The following DEPDC5 variants were observed in gnomAD, a reference collection of about 807,000 sequenced individuals.
The protein encoded by DEPDC5 is DEP domain containing 5, GATOR1 subcomplex subunit, also known as GATOR1 complex protein DEPDC5.
DEPDC5 carries 73 observed loss-of-function variants against 217.3 expected under a neutral mutation model. The observed-to-expected ratio is 0.34, with a 90% CI of 0.28 to 0.41. DEPDC5 has a LOEUF of 0.41. Among genes scored for constraint, DEPDC5 ranks in the 10% least tolerant of loss-of-function variants. The pLI is 1.00. For missense variants in DEPDC5, 1,675 were observed against 2,070.1 expected (o/e 0.81, Z 3.70); for synonymous variants, 733 against 756.7 (o/e 0.97, Z 0.51).
At position 31,845,091 on chromosome 22, in the gene DEPDC5, A is replaced by G. The variant is rs757332983; in HGVS notation, c.2875A>G (p.Ile959Val). The G allele has an allele frequency of 3.1e-5, 50 of 1,614,070 alleles. No homozygotes were observed. The highest frequency in any genetic ancestry group is 7.7e-5 in the South Asian group (7 of 91,084). The change falls in exon 30 of 43, where the codon ATC becomes GTC. Residue 959 changes from isoleucine (I) to valine (V), a missense_variant. Ile to Val is a conservative substitution (Grantham distance 29). Transcript: ENST00000651528. ...LPACVTATKR[I>V]TEGEAHCDIY... is the part of the protein sequence containing the mutation. ...AGCCTGTGTCACCGCCACCAAGCGC[A>G]TCACGGAGGGGGAGGCCCACTGCGA...
rs184497165 is a variant in DEPDC5 at position 31,885,917 on chromosome 22, C to G, written c.4033+6165C>G. Among the ~76,000 whole-genome samples, 379 of 151,946 alleles carry G rather than the reference C, an allele frequency of 2.5e-3. 4 individuals are homozygous for G. Among genetic ancestry groups the G allele is most frequent in the African/African-American group, 8.5e-3 (350 of 41,414 alleles). ...GGTGTGGTGGCGGGCACATGTAACC[C>G]CAGCTACTCAGGAGGCTGAGGCAGG... On this transcript the variant is annotated intron_variant, in intron 38 of 42. Coordinates refer to ENST00000651528, the MANE Select transcript of DEPDC5 (RefSeq NM_001242896.3).
intron 39 of DEPDC5, among the ~76,000 whole-genome samples, chr22:31,895,571 C>T (rs1459018659): frequency 6.6e-6 from 1 of 152,114 alleles, no homozygotes; most frequent in African/African-American, 2.4e-5. Context: ...TACTGAATCT[C>T]GCTTCTCTCA....
intron 8 of DEPDC5, among the ~76,000 whole-genome samples, chr22:31,780,463 G>A (rs1405158567): frequency 2.6e-5 from 4 of 152,146 alleles, no homozygotes; most frequent in Middle Eastern, 3.2e-3. Context: ...TGGAGTTCTC[G>A]TAATCACTTC....
intron 21 of DEPDC5, chr22:31,817,641 A>G (rs1384157588): frequency 1.1e-5 from 2 of 178,810 alleles, no homozygotes; most frequent in Admixed American, 1.2e-4. Flanking sequence ...GGTGTGCACC[A>G]CCACACCCGG....
rs946816781 is a variant in DEPDC5, at chr22:31,892,644, A to G, written c.4034-938A>G. On this transcript the variant is annotated intron_variant, in intron 38 of 42. Coordinates refer to ENST00000651528, the MANE Select transcript of DEPDC5 (RefSeq NM_001242896.3). ...GGTTGCAGTGAGCCAAGATCACGCTACTGCACTCCAGCCCGGGTGACATAG... is the reference window on the plus strand; with the variant it reads ...GGTTGCAGTGAGCCAAGATCACGCTGCTGCACTCCAGCCCGGGTGACATAG... Among the ~76,000 whole-genome samples, 7 of 152,216 alleles carry G rather than the reference A, an allele frequency of 4.6e-5. No homozygotes were observed. The East Asian group carries it at 1.2e-3, about 25-fold the overall frequency.
At chr22:31,772,088 C>T (rs966875504) in intron 7 of DEPDC5, among the ~76,000 whole-genome samples, 4 of 151,678 alleles carry the variant, frequency 2.6e-5, no homozygotes, top group East Asian at 3.9e-4. Flanking sequence ...AAAAAAAGAA[C>T]GGGGGTTGGT....
Position 31,815,206 on chromosome 22 carries a change from A to G in DEPDC5, c.1660A>G (p.Thr554Ala). Residue 554 changes from threonine (T) to alanine (A), a missense_variant, in exon 21 of 43, where the codon ACT becomes GCT. Coordinates refer to ENST00000651528, the MANE Select transcript of DEPDC5 (RefSeq NM_001242896.3). ...EVSSSLGYTS[T>A]RDVLENMMEP... ...CAGCAGCTCCTTGGGATACACCAGC[A>G]CTCGAGGTAAGAGTGCTGAAGCACA... 6.2e-7 allele frequency: 1 copy of G among 1,614,022 alleles called. No homozygotes were observed. The highest frequency in any genetic ancestry group is 8.5e-7 in the Non-Finnish European group (1 of 1,179,996).
rs78610182 is a variant in DEPDC5 at position 31,828,773 on chromosome 22, T to C, written c.2105-5142T>C. Among the ~76,000 whole-genome samples, 300 of 152,328 alleles carry C rather than the reference T, an allele frequency of 2.0e-3. 2 individuals carry two copies. Among genetic ancestry groups the C allele is most frequent in the South Asian group, 7.7e-3 (37 of 4,832 alleles). On this transcript the variant is annotated intron_variant, in intron 24 of 42. Coordinates refer to ENST00000651528, the MANE Select transcript of DEPDC5 (RefSeq NM_001242896.3). The stretch of plus-strand genomic sequence containing the variant: ...GTGTATTGAACTCTAGGCACTGTGC[T>C]AAGGCCTGAGAAGAAACAAAAACTA...
At chr22:31,812,519 G>A (rs920168933) in intron 20 of DEPDC5, among the ~76,000 whole-genome samples, 1 of 145,532 alleles carries the variant, frequency 6.9e-6, no homozygotes, top group African/African-American at 2.5e-5. Flanking sequence ...CTGCCTCCCA[G>A]CTTCGCACCA....
chr22:31,808,897 A>G (rs1231516330), intron 18 of DEPDC5, among the ~76,000 whole-genome samples: 1 of 151,890 alleles, frequency 6.6e-6, no homozygotes, highest in Non-Finnish European at 1.5e-5. Context: ...AAGAGTTAGT[A>G]TTGTTGTGAA....
chr22:31,846,881 G>A lies in DEPDC5; in HGVS notation c.3069G>A (p.Thr1023=), dbSNP rs201368629. ...KGLQMTGPIS[T]HSLESTAPPV... is the part of the protein sequence containing the mutation. ...TGCAGATGACTGGGCCCATTTCCAC[G>A]CATTCTCTGGAGTCAACTGCACCCC... Residue 1023 remains threonine, a synonymous_variant, in exon 31 of 43, where the codon ACG becomes ACA. Coordinates refer to ENST00000651528, the MANE Select transcript of DEPDC5 (RefSeq NM_001242896.3). 62 of 1,614,202 alleles carry A rather than the reference G, an allele frequency of 3.8e-5. No homozygotes were observed. Among genetic ancestry groups the A allele is most frequent in the Admixed American group, 1.8e-4 (11 of 60,034 alleles).
intron 7 of DEPDC5, among the ~76,000 whole-genome samples, chr22:31,772,735 C>A (rs1282205113): frequency 6.6e-6 from 1 of 151,488 alleles, no homozygotes; most frequent in Non-Finnish European, 1.5e-5. Flanking sequence ...AGATCTCTCT[C>A]ATTTTTTTTT....
intron 40 of DEPDC5, among the ~76,000 whole-genome samples, chr22:31,901,135 C>G (rs933427497): frequency 4.0e-5 from 6 of 151,312 alleles, no homozygotes; most frequent in African/African-American, 1.5e-4. Flanking sequence ...CCCAGCTACT[C>G]GGGAGGCTGA....
intron 33 of DEPDC5, among the ~76,000 whole-genome samples, chr22:31,868,982 G>A (rs997389590): frequency 8.6e-5 from 13 of 151,980 alleles, no homozygotes; most frequent in African/African-American, 3.1e-4. Flanking sequence ...AACATTACAG[G>A]CTGTAATCCC....
chr22:31,763,151 T>C (rs6518755), intron 4 of DEPDC5, among the ~76,000 whole-genome samples: 126,527 of 151,998 alleles, frequency 0.83, 53,265 homozygotes, highest in African/African-American at 0.96. Flanking sequence ...CCACCACACC[T>C]GGCTAATTTT....
At chr22:31,866,425 C>T (rs1056296857) in intron 33 of DEPDC5, among the ~76,000 whole-genome samples, 2 of 152,082 alleles carry the variant, frequency 1.3e-5, no homozygotes, top group Non-Finnish European at 2.9e-5. Flanking sequence ...CTCGCTCTGT[C>T]GCCAGGCTGG....
chr22:31,768,710 T>C (rs2083043097), intron 6 of DEPDC5, 104 bp from the exon 7 acceptor site: 1 of 986,784 alleles, frequency 1.0e-6, no homozygotes, highest in Non-Finnish European at 1.5e-6. Context: ...TAGGAGTTCT[T>C]GTTTGTGATT....
At position 31,879,600 on chromosome 22, in the gene DEPDC5, T is replaced by C; in HGVS notation, c.3881T>C (p.Phe1294Ser). The C allele has an allele frequency of 6.2e-7, 1 of 1,613,920 alleles. No individual in the cohort carries two copies. Among genetic ancestry groups the C allele is most frequent in the South Asian group, 1.1e-5 (1 of 91,080 alleles). ...TTCGCCAGCTTCCAGCGCAAGTGGTTTGAGGTGGCCTTTGTGGCAGAAGAG... is the reference window on the plus strand; with the variant it reads ...TTCGCCAGCTTCCAGCGCAAGTGGTCTGAGGTGGCCTTTGTGGCAGAAGAG... Reference protein sequence around the residue: ...DDFASFQRKWFEVAFVAEELV... With the variant: ...DDFASFQRKWSEVAFVAEELV... The change falls in exon 38 of 43, where the codon TTT (phenylalanine) becomes TCT (serine). Residue 1294 changes from phenylalanine (F) to serine (S), a missense_variant. Coordinates refer to ENST00000651528, the MANE Select transcript of DEPDC5 (RefSeq NM_001242896.3).
intron 33 of DEPDC5, among the ~76,000 whole-genome samples, chr22:31,864,907 T>C (rs1032782918): frequency 6.6e-6 from 1 of 152,078 alleles, no homozygotes; most frequent in Non-Finnish European, 1.5e-5. Context: ...GCCAGGCTGG[T>C]CTCCAACTCC....
Sources: allele counts gnomAD v4.1 joint callset (sites outside exome capture counted in the v4.1 genomes callset), GRCh38; gene constraint gnomAD v4.1.1; transcripts MANE v1.5; gene names NCBI Gene and HGNC (gene_info 2026-07-23, HGNC 2026-07-21).